Variants in SNCAIP observed in about 807,000 individuals in gnomAD.
SNCAIP encodes synphilin-1.
Under a neutral mutation model 86.7 loss-of-function variants are expected in SNCAIP, and 43 were observed. The ratio of observed to expected loss-of-function variants is 0.50; its 90% CI spans 0.39 to 0.64. SNCAIP has a LOEUF of 0.64. SNCAIP is among the 30% of genes least tolerant of loss of function. The pLI is 0.00. For synonymous variants in SNCAIP, 417 were observed against 427.2 expected (o/e 0.98, Z 0.29); for missense variants, 981 against 1,103.1 (o/e 0.89, Z 1.57).
upstream of SNCAIP, chr5:122,311,768 T>G (rs1750611618): frequency 6.6e-6 from 1 of 151,314 alleles, no homozygotes. Context: ...GCAGTCGAGG[T>G]AAAAAGAGCG....
intron 3 of SNCAIP, among the ~76,000 whole-genome samples, chr5:122,414,817 T>C (rs986023347): frequency 1.3e-5 from 2 of 152,232 alleles, no homozygotes; most frequent in Non-Finnish European, 2.9e-5. Flanking sequence ...GCTATGTCAT[T>C]TTCCACATTA....
intron 1 of SNCAIP, among the ~76,000 whole-genome samples, chr5:122,328,044 C>T (rs193123949): frequency 1.2e-4 from 18 of 152,214 alleles, no homozygotes; most frequent in African/African-American, 3.4e-4. Flanking sequence ...ACTTGGGAAA[C>T]TAGATATAAG....
chr5:122,442,741 G>A (rs868492401), intron 7 of SNCAIP, among the ~76,000 whole-genome samples: 1 of 152,192 alleles, frequency 6.6e-6, no homozygotes, highest in Non-Finnish European at 1.5e-5. Flanking sequence ...ATATCACTAC[G>A]TGAGATTTTA....
chr5:122,459,325 C>A (rs2153032782), intron 10 of SNCAIP, among the ~76,000 whole-genome samples: 1 of 152,298 alleles, frequency 6.6e-6, no homozygotes, highest in South Asian at 2.1e-4. Flanking sequence ...TGGAAATCTG[C>A]AATCCATGCC....
intron 10 of SNCAIP, chr5:122,452,843 G>A (rs1783984496): frequency 5.9e-6 from 5 of 848,758 alleles, no homozygotes; most frequent in South Asian, 4.3e-5. Flanking sequence ...CTATCTTCCT[G>A]CATGCTTCAT....
intron 10 of SNCAIP, among the ~76,000 whole-genome samples, chr5:122,457,892 G>C (rs966728928): frequency 2.6e-5 from 4 of 152,194 alleles, no homozygotes; most frequent in Non-Finnish European, 5.9e-5. Flanking sequence ...ATAAGGCAGA[G>C]TCTTGTGTAT....
intron 8 of SNCAIP, among the ~76,000 whole-genome samples, chr5:122,448,407 G>T (rs1215840831): frequency 6.6e-6 from 1 of 151,560 alleles, no homozygotes; most frequent in Non-Finnish European, 1.5e-5. Context: ...AAGCTGAGGA[G>T]GGAGCATCAC....
chr5:122,451,446 A>G lies in SNCAIP; in HGVS notation c.2599A>G (p.Ile867Val). The change falls in exon 10 of 11, where the codon ATC (isoleucine) becomes GTC (valine). Residue 867 changes from isoleucine (I) to valine (V), a missense_variant. Coordinates refer to ENST00000261368, the MANE Select transcript of SNCAIP (RefSeq NM_005460.4). ...AAGGCCTTTTGGAGCCTTTCGATCT[A>G]TCATGGAGACACTAAGTGGCAACCA... Reference protein sequence around the residue: ...LKRPFGAFRSIMETLSGNQNN... With the variant: ...LKRPFGAFRSVMETLSGNQNN... The G allele has an allele frequency of 1.2e-6, 2 of 1,614,092 alleles. No individual in the cohort carries two copies. The highest frequency in any genetic ancestry group is 1.7e-6 in the Non-Finnish European group (2 of 1,180,012).
Position 122,374,629 on chromosome 5 carries a change from C to T in SNCAIP, c.-46-16460C>T, listed in dbSNP as rs942883909. Among the ~76,000 whole-genome samples, 18 of 152,062 alleles carry T rather than the reference C, an allele frequency of 1.2e-4. 1 individual carries two copies. The highest frequency in any genetic ancestry group is 8.5e-4 in the Admixed American group (13 of 15,260). On this transcript the variant is annotated intron_variant, in intron 1 of 10. Transcript: ENST00000261368. The stretch of plus-strand genomic sequence containing the variant: ...AAAATAGACTTCAGAGGAAACTGTG[C>T]GAGAAACTATATGAACATTAAGCTA...
chr5:122,421,948 C>T (rs1776443336), intron 3 of SNCAIP, among the ~76,000 whole-genome samples: 1 of 150,484 alleles, frequency 6.6e-6, no homozygotes, highest in African/African-American at 2.5e-5. Context: ...TCTATCGCAA[C>T]CAGACACTTA....
Position 122,443,509 on chromosome 5 carries a change from C to A in SNCAIP, c.1423-1054C>A, listed in dbSNP as rs185398772. ...CCTTTCTTATGACTATTAAAATTTA[C>A]TCCAAGCCTCTTTAAAATCTCAGTC... is the stretch of plus-strand genomic sequence containing the variant. On this transcript the variant is annotated intron_variant, in intron 7 of 10. Transcript: ENST00000261368. 8.1e-4 allele frequency: 352 copies of A among 432,672 alleles called. 1 individual carries two copies. The highest frequency in any genetic ancestry group is 1.2e-3 in the Non-Finnish European group (248 of 214,716). 26.8% of individuals were successfully genotyped at this position (432,672 alleles called of 1,614,324 possible).
chr5:122,435,050 A>G (rs1463383501), intron 6 of SNCAIP, among the ~76,000 whole-genome samples: 1 of 151,944 alleles, frequency 6.6e-6, no homozygotes, highest in Non-Finnish European at 1.5e-5. Flanking sequence ...ACCTTTAAAG[A>G]CTCTAGTACC....
intron 4 of SNCAIP, among the ~76,000 whole-genome samples, chr5:122,424,125 G>A (rs1371793880): frequency 6.6e-6 from 1 of 152,220 alleles, no homozygotes; most frequent in African/African-American, 2.4e-5. Flanking sequence ...GGACCTGCCA[G>A]ACATGTAAAC....
intron 1 of SNCAIP, among the ~76,000 whole-genome samples, chr5:122,363,991 TA>T (rs1401648947): frequency 6.6e-6 from 1 of 151,712 alleles, no homozygotes; most frequent in Admixed American, 6.6e-5. Flanking sequence ...CCAGGCTAAT[TA>T]AAAAAAGAAT....
At chr5:122,366,499 A>G (rs1358859455) in intron 1 of SNCAIP, among the ~76,000 whole-genome samples, 1 of 152,208 alleles carries the variant, frequency 6.6e-6, no homozygotes, top group Non-Finnish European at 1.5e-5. Flanking sequence ...GAGAGAATAT[A>G]TCTGAGAGTA....
In SNCAIP at chr5:122,464,096, T is replaced by G. The variant is rs1787087805; in HGVS notation, c.*600T>G. The G allele has an allele frequency of 6.6e-6, 1 of 152,246 alleles. No homozygotes were observed. The highest frequency in any genetic ancestry group is 2.4e-5 in the African/African-American group (1 of 41,448). 9.4% of individuals were successfully genotyped at this position (152,246 alleles called of 1,614,324 possible). ...CACCTACTTTCTAACAAATCTGTGA[T>G]GTTCTGATTTCTAAGGGACTTTGCA... On this transcript the variant is annotated 3_prime_UTR_variant, in exon 11 of 11. Transcript: ENST00000261368.
intron 1 of SNCAIP, among the ~76,000 whole-genome samples, chr5:122,336,506 C>T (rs995045526): frequency 6.6e-6 from 1 of 152,182 alleles, no homozygotes; most frequent in African/African-American, 2.4e-5. Context: ...ACTTTTTGTC[C>T]TCCCAGACCT....
chr5:122,358,189 G>A (rs1761443334), intron 1 of SNCAIP, among the ~76,000 whole-genome samples: 1 of 91,614 alleles, frequency 1.1e-5, no homozygotes, highest in African/African-American at 4.3e-5. Flanking sequence ...GTGTGTGTGT[G>A]TGTGTGTGTG....
chr5:122,414,850 C>T (rs1774965732), intron 3 of SNCAIP, among the ~76,000 whole-genome samples: 1 of 152,182 alleles, frequency 6.6e-6, no homozygotes, highest in East Asian at 1.9e-4. Context: ...TCTGAGTTCT[C>T]ATTTATTTCC....
Sources: gnomAD v4.1 joint callset for allele counts (sites outside exome capture counted in the v4.1 genomes callset) on GRCh38, gnomAD v4.1.1 for gene constraint, MANE v1.5 for transcripts, NCBI Gene and HGNC (gene_info 2026-07-23, HGNC 2026-07-21) for gene names.